Variants in DSC1 observed in about 807,000 individuals in gnomAD.
DSC1 encodes the protein desmocollin-1.
Under a neutral mutation model 98.8 loss-of-function variants are expected in DSC1, and 79 were observed. The ratio of observed to expected loss-of-function variants is 0.80; its 90% CI spans 0.67 to 0.96. The LOEUF (loss-of-function observed/expected upper bound fraction) is 0.96. Ranked by LOEUF, DSC1 falls within the 50% of genes least tolerant of loss-of-function variation. The probability of loss-of-function intolerance (pLI) is 0.00; values close to 1 mark genes in which losing one functional copy is unlikely to be tolerated. For missense variants in DSC1, 1,115 were observed against 1,075.9 expected (o/e 1.04, Z -0.51); for synonymous variants, 405 against 372.1 (o/e 1.09, Z -1.02).
Position 31,159,505 on chromosome 18 carries a change from A to G in DSC1, c.88T>C (p.Cys30Arg). The G allele has an allele frequency of 6.2e-7, 1 of 1,611,000 alleles. No homozygotes were observed. The highest frequency in any genetic ancestry group is 8.5e-7 in the Non-Finnish European group (1 of 1,179,176). The change falls in exon 2 of 16, where the codon TGT (cysteine) becomes CGT (arginine). Residue 30 changes from cysteine (C) to arginine (R), a missense_variant. Coordinates refer to ENST00000257198, the MANE Select transcript of DSC1 (RefSeq NM_024421.2). The part of the protein sequence containing the change: ...LLVLTLLCDA[C>R]QKVYLRVPSH... ...GGAACTCGAAGATAAACTTTCTGAC[A>G]AGCATCGCAAAGTAATGTTAAAACC...
chr18:31,142,662 G>A (rs763350359), intron 8 of DSC1, among the ~76,000 whole-genome samples: 2 of 129,854 alleles, frequency 1.5e-5, no homozygotes, highest in African/African-American at 5.3e-5. Context: ...ACCTTTAGCA[G>A]AAAAGTTTTC....
chr18:31,131,857 A>G lies in DSC1; in HGVS notation c.2239-15T>C, dbSNP rs1168610785. 1.2e-6 allele frequency: 2 copies of G among 1,610,424 alleles called. No individual in the cohort carries two copies. Among genetic ancestry groups the G allele is most frequent in the African/African-American group, 1.3e-5 (1 of 74,788 alleles). ...ATATTTGCTTCCTAAAAGTAAAGTG[A>G]GAGTGATAAAGTGAATTTGAAAAAT... is the stretch of plus-strand genomic sequence containing the variant. On this transcript the variant is annotated splice_polypyrimidine_tract_variant and intron_variant, in intron 14 of 15. Coordinates refer to ENST00000257198, the MANE Select transcript of DSC1 (RefSeq NM_024421.2).
intron 11 of DSC1, among the ~76,000 whole-genome samples, chr18:31,138,288 C>T (rs1009698898): frequency 6.6e-6 from 1 of 152,084 alleles, no homozygotes; most frequent in Non-Finnish European, 1.5e-5. Context: ...AATTAGGCCT[C>T]TGCATTTCTG....
intron 5 of DSC1, among the ~76,000 whole-genome samples, chr18:31,150,385 CATCACCACCATT>C (rs1988968590): frequency 1.0e-5 from 1 of 96,426 alleles, no homozygotes; most frequent in African/African-American, 3.5e-5. Context: ...TCATCACCAC[CATCACCACCATT>C]ATCACCACCA....
At position 31,155,936 on chromosome 18, in the gene DSC1, G is replaced by A. The variant is rs1989088389; in HGVS notation, c.471+107C>T. On this transcript the variant is annotated intron_variant, in intron 4 of 15. Transcript: ENST00000257198. ...TCTGGTGAATAGATGATCATTATTT[G>A]TACCATTAGTTTAAACCTCTGATTC... The A allele has an allele frequency of 2.5e-6, 3 of 1,186,698 alleles. No homozygotes were observed. The Admixed American group carries it at 7.2e-5, about 28-fold the overall frequency. 73.5% of individuals were successfully genotyped at this position (1,186,698 alleles called of 1,614,324 possible).
At position 31,157,418 on chromosome 18, in the gene DSC1, GT is replaced by G; in HGVS notation, c.303del (p.Arg101SerfsTer7). ...SFSIFLSDGQ[R>X]REQQEIKVVL... is the part of the protein sequence containing the mutation. ...ACAACTTTTATCTCTTGTTGTTCCC[GT>G]CTCTGACCATCTGAAAGGAAAATGG... On this transcript the variant is annotated frameshift_variant, in exon 3 of 16. Transcript: ENST00000257198. LOFTEE classifies it high-confidence loss of function. 6.2e-7 allele frequency: 1 copy of G among 1,614,098 alleles called. No individual in the cohort carries two copies. Among genetic ancestry groups the G allele is most frequent in the South Asian group, 1.1e-5 (1 of 91,082 alleles).
At chr18:31,152,055 G>A (rs191045436) in intron 5 of DSC1, among the ~76,000 whole-genome samples, 258 of 152,090 alleles carry the variant, frequency 1.7e-3, no homozygotes, top group Non-Finnish European at 2.4e-3. Flanking sequence ...CCAGCTACTC[G>A]GGAGGTTGAG....
intron 9 of DSC1, among the ~76,000 whole-genome samples, 190 bp downstream of exon 9, chr18:31,141,809 G>A (rs960643971): frequency 6.6e-6 from 1 of 152,114 alleles, no homozygotes; most frequent in Non-Finnish European, 1.5e-5. Flanking sequence ...TTTTGTACCT[G>A]ACATGACTTT....
chr18:31,161,469 G>C (rs1487419693), intron 1 of DSC1, among the ~76,000 whole-genome samples: 1 of 151,934 alleles, frequency 6.6e-6, no homozygotes, highest in Non-Finnish European at 1.5e-5. Flanking sequence ...ATTCCATGTT[G>C]ATGGTCCTCC....
chr18:31,157,855 T>C (rs1989131501), intron 2 of DSC1, among the ~76,000 whole-genome samples: 1 of 152,244 alleles, frequency 6.6e-6, no homozygotes, highest in African/African-American at 2.4e-5. Flanking sequence ...CTCTTAATTA[T>C]TGTGTGTGTA....
At chr18:31,148,090 T>C (rs1988884761) in intron 6 of DSC1, among the ~76,000 whole-genome samples, 1 of 152,166 alleles carries the variant, frequency 6.6e-6, no homozygotes, top group Non-Finnish European at 1.5e-5. Flanking sequence ...CCTTTTATAC[T>C]GAACAACAAC....
Position 31,162,646 on chromosome 18 carries a change from G to A in DSC1, c.-52C>T, listed in dbSNP as rs531366302. 12 of 1,551,354 alleles carry A rather than the reference G, an allele frequency of 7.7e-6. No homozygotes were observed. In the African/African-American group the frequency reaches 1.5e-4, roughly 19 times the overall value. ...GGTGGCCAGATAACAGGGCAGCCTG[G>A]GATGCACAGAGCGGCTAAGAAGACG... is the stretch of plus-strand genomic sequence containing the variant. On this transcript the variant is annotated 5_prime_UTR_variant, in exon 1 of 16. Transcript: ENST00000257198.
At chr18:31,159,681 C>T (rs1989175434) in intron 1 of DSC1, 152 bp from the exon 2 acceptor site, 2 of 751,524 alleles carry the variant, frequency 2.7e-6, no homozygotes, top group South Asian at 3.9e-5. Context: ...TTAAAAGGAA[C>T]CAGCAAAGAG....
At chr18:31,144,937 TTTC>T (rs1392927913) in intron 7 of DSC1, among the ~76,000 whole-genome samples, 22,524 of 116,894 alleles carry the variant, frequency 0.19, 2,552 homozygotes, top group East Asian at 0.45. Context: ...TTTCTTTTTC[TTTC>T]TTTTTTTTTT....
intron 7 of DSC1, among the ~76,000 whole-genome samples, chr18:31,144,930 CTTTTTCTTTCTTTTTTT>C: frequency 8.0e-6 from 1 of 124,714 alleles, no homozygotes. Context: ...TCTGTATTTT[CTTTTTCTTTCTTTTTTT>C]TTTTTTTTTT....
Position 31,150,322 on chromosome 18 carries a change from C to T in DSC1, c.628-1680G>A, listed in dbSNP as rs796799436. Among the ~76,000 whole-genome samples, 636 of 80,090 alleles carry T rather than the reference C, an allele frequency of 7.9e-3. 57 individuals carry two copies. Among genetic ancestry groups the T allele is most frequent in the East Asian group, 0.066 (60 of 910 alleles). 52.5% of individuals were successfully genotyped at this position (80,090 alleles called of 152,430 possible). ...CCATCATCACCACCACTACTACCAT[C>T]ATCACCACCACCACTACCATCACCA... is the stretch of plus-strand genomic sequence containing the variant. On this transcript the variant is annotated intron_variant, in intron 5 of 15. Transcript: ENST00000257198.
Position 31,147,540 on chromosome 18 carries a change from G to A in DSC1, c.772+958C>T, listed in dbSNP as rs1422571615. 1.3e-5 allele frequency among the ~76,000 whole-genome samples: 2 copies of A among 152,012 alleles called. 1 individual carries two copies. Among genetic ancestry groups the A allele is most frequent in the Admixed American group, 1.3e-4 (2 of 15,256 alleles). On this transcript the variant is annotated intron_variant, in intron 6 of 15. Transcript: ENST00000257198. ...AGAACGTTTTATGTAGTATATCCTT[G>A]AAAGTCAAGCATTTAAAAATGTTCT...
Position 31,140,141 on chromosome 18 carries a change from G to A in DSC1, c.1421C>T (p.Pro474Leu). 2.5e-6 allele frequency: 4 copies of A among 1,613,978 alleles called. No homozygotes were observed. The highest frequency in any genetic ancestry group is 1.3e-5 in the African/African-American group (1 of 75,018). Residue 474 changes from proline to leucine, a missense_variant, in exon 10 of 16, where the codon CCA (proline) becomes CTA (leucine). Pro to Leu is a moderately conservative substitution (Grantham distance 98, BLOSUM62 -3). Coordinates refer to ENST00000257198, the MANE Select transcript of DSC1 (RefSeq NM_024421.2). ...DSDEGPECHP[P>L]VKVIQSQDGF... ...ATCTTGACTCTGAATAACTTTCACT[G>A]GAGGGTGGCATTCAGGGCCCTCATC...
In DSC1 at chr18:31,148,559, A is replaced by G. The variant is rs1202539861; in HGVS notation, c.711T>C (p.Asp237=). 6.2e-7 allele frequency: 1 copy of G among 1,612,562 alleles called. No individual in the cohort carries two copies. Among genetic ancestry groups the G allele is most frequent in the Non-Finnish European group, 8.5e-7 (1 of 1,178,856 alleles). ...PLIIKIEDDN[D]NAPYFEHRVT... Reference sequence around the variant, plus strand: ...CTCTGTGTTCAAAATATGGGGCGTTATCATTATCATCTTCAATTTTGATGA... The same window carrying G: ...CTCTGTGTTCAAAATATGGGGCGTTGTCATTATCATCTTCAATTTTGATGA... The change falls in exon 6 of 16, where the codon GAT becomes GAC. Residue 237 remains aspartate, a synonymous_variant. Transcript: ENST00000257198.
Sources: gnomAD v4.1 joint callset for allele counts (sites outside exome capture counted in the v4.1 genomes callset) on GRCh38, gnomAD v4.1.1 for gene constraint, MANE v1.5 for transcripts, NCBI Gene and HGNC (gene_info 2026-07-23, HGNC 2026-07-21) for gene names.